Variants in ACO1 observed in about 807,000 individuals in gnomAD.
ACO1 encodes cytoplasmic aconitate hydratase.
A neutral mutation model predicts 105.1 loss-of-function variants in ACO1; 78 were observed. The ratio of observed to expected loss-of-function variants is 0.74; its 90% CI spans 0.62 to 0.90. The LOEUF (loss-of-function observed/expected upper bound fraction) is 0.90. ACO1 is among the 40% of genes least tolerant of loss of function. The pLI is 0.00. For synonymous variants in ACO1, 364 were observed against 397.4 expected (o/e 0.92, Z 1.00); for missense variants, 965 against 1,111.1 (o/e 0.87, Z 1.87).
intron 4 of ACO1, among the ~76,000 whole-genome samples, chr9:32,412,767 T>G (rs1821767028): frequency 1.3e-5 from 2 of 152,228 alleles, no homozygotes; most frequent in Non-Finnish European, 2.9e-5. Flanking sequence ...GCGTAAAATG[T>G]TATCCTGTTT....
Position 32,431,718 on chromosome 9 carries a change from G to A in ACO1, c.1727-1G>A. ...CTCATTAATAAACATTTTTTCCCCA[G>A]GAGTAAATGCAAAGGGACAGCAGGT... is the stretch of plus-strand genomic sequence containing the variant. On this transcript the variant is annotated splice_acceptor_variant, in intron 14 of 20. Transcript: ENST00000309951. LOFTEE classifies it high-confidence loss of function. 1.2e-6 allele frequency: 2 copies of A among 1,613,502 alleles called. No homozygotes were observed.
chr9:32,430,661 A>C (rs1822207512), intron 14 of ACO1, 87 bp downstream of exon 14: 1 of 1,395,472 alleles, frequency 7.2e-7, no homozygotes, highest in African/African-American at 1.4e-5. Flanking sequence ...ATAAGAAATG[A>C]AGCATAGAGC....
At chr9:32,444,051 A>T (rs1822543944) in intron 19 of ACO1, among the ~76,000 whole-genome samples, 1 of 131,336 alleles carries the variant, frequency 7.6e-6, no homozygotes, top group African/African-American at 2.8e-5. Context: ...ACTCCCACTT[A>T]TGGGTGAGAA....
At chr9:32,438,477 C>A (rs572488513) in intron 18 of ACO1, among the ~76,000 whole-genome samples, 1 of 152,188 alleles carries the variant, frequency 6.6e-6, no homozygotes, top group South Asian at 2.1e-4. Flanking sequence ...CAAGTTGGAA[C>A]GGGACTGAGA....
At chr9:32,404,681 G>A (rs577800304) in intron 1 of ACO1, among the ~76,000 whole-genome samples, 65 of 152,234 alleles carry the variant, frequency 4.3e-4, no homozygotes, top group African/African-American at 1.6e-3. Flanking sequence ...CCTGAGCCCT[G>A]GAGGCATTTT....
At position 32,427,335 on chromosome 9, in the gene ACO1, G is replaced by T. The variant is rs200574999; in HGVS notation, c.1383G>T (p.Leu461=). Residue 461 remains leucine (L), a synonymous_variant, in exon 12 of 21, where the codon CTG becomes CTT. Coordinates refer to ENST00000309951, the MANE Select transcript of ACO1 (RefSeq NM_002197.3). The part of the protein sequence containing the change: ...LLAKKAVDAG[L]NVMPYIKTSL... ...CAAAGAAAGCTGTGGATGCTGGCCT[G>T]AACGTGATGCCTTACATCAAAACTA... The T allele has an allele frequency of 6.2e-7, 1 of 1,614,226 alleles. No homozygotes were observed. The highest frequency in any genetic ancestry group is 2.2e-5 in the East Asian group (1 of 44,886).
rs1241392759 is a variant in ACO1 at position 32,451,050 on chromosome 9, C to G, written c.*939C>G. 1 of 151,704 alleles carries G rather than the reference C, an allele frequency of 6.6e-6. No individual in the cohort carries two copies. Among genetic ancestry groups the G allele is most frequent in the Non-Finnish European group, 1.5e-5 (1 of 67,916 alleles). 9.4% of individuals were successfully genotyped at this position (151,704 alleles called of 1,614,324 possible). A position where few individuals can be genotyped will look rare whatever the true frequency, so the allele number is the denominator to read the frequency against. ...GGAGCAGACAAGAAGGAAGAGTAGC[C>G]TGGTGGCAGTGGCAACGATATAAGT... On this transcript the variant is annotated 3_prime_UTR_variant, in exon 21 of 21. Coordinates refer to ENST00000309951, the MANE Select transcript of ACO1 (RefSeq NM_002197.3).
chr9:32,430,476 A>T lies in ACO1; in HGVS notation c.1628A>T (p.His543Leu), dbSNP rs948403672. The change falls in exon 14 of 21, where the codon CAC becomes CTC. Residue 543 changes from histidine (H) to leucine (L), a missense_variant. Coordinates refer to ENST00000309951, the MANE Select transcript of ACO1 (RefSeq NM_002197.3). ...SGNRNFEGRVHPNTRANYLAS... is the reference protein window; with the variant it reads ...SGNRNFEGRVLPNTRANYLAS... ...AACAGGAATTTTGAAGGTCGAGTTC[A>T]CCCCAACACCCGGGCCAACTATTTA... The T allele has an allele frequency of 3.7e-6, 6 of 1,611,550 alleles. No homozygotes were observed. Among genetic ancestry groups the T allele is most frequent in the Non-Finnish European group, 4.2e-6 (5 of 1,179,146 alleles).
intron 1 of ACO1, among the ~76,000 whole-genome samples, chr9:32,386,072 C>T (rs780823471): frequency 7.2e-5 from 11 of 152,202 alleles, no homozygotes; most frequent in Non-Finnish European, 1.3e-4. Context: ...TTCGCACATG[C>T]CTTTGGTTGT....
Position 32,450,301 on chromosome 9 carries a change from AATC to A in ACO1, c.*194_*196del, listed in dbSNP as rs59759405. On this transcript the variant is annotated 3_prime_UTR_variant, in exon 21 of 21. Transcript: ENST00000309951. ...AGTTTCTACATTCTCTATTTTTGTT[AATC>A]ATCTTCTCTTTTTCCAGAATTTGGA... is the stretch of plus-strand genomic sequence containing the variant. 5,813 of 684,086 alleles carry A rather than the reference AATC, an allele frequency of 8.5e-3. 138 individuals are homozygous for A. The highest frequency in any genetic ancestry group is 0.067 in the African/African-American group (3,789 of 56,330). 42.4% of individuals were successfully genotyped at this position (684,086 alleles called of 1,614,324 possible). A position where few individuals can be genotyped will look rare whatever the true frequency, so the allele number is the denominator to read the frequency against.
rs146133028 is a variant in ACO1, at chr9:32,427,277, G to A, written c.1349-24G>A. The stretch of plus-strand genomic sequence containing the variant: ...CCTAGAGCAGGCAGCCTCCCACACT[G>A]CATCTGTGTTTACCATTTCACAGGA... On this transcript the variant is annotated intron_variant, in intron 11 of 20. Transcript: ENST00000309951. The A allele has an allele frequency of 4.0e-4, 649 of 1,613,710 alleles. 7 individuals carry two copies. In the East Asian group the frequency reaches 0.013, roughly 31 times the overall value.
chr9:32,419,693 TAG>T (rs763874527), intron 7 of ACO1, among the ~76,000 whole-genome samples: 7 of 152,252 alleles, frequency 4.6e-5, no homozygotes, highest in Non-Finnish European at 5.9e-5. Context: ...GTTCCATGAA[TAG>T]AGTTTTACTT....
intron 14 of ACO1, among the ~76,000 whole-genome samples, chr9:32,431,498 T>C (rs1822234337): frequency 1.3e-5 from 2 of 152,172 alleles, no homozygotes; most frequent in Admixed American, 6.5e-5. Context: ...AGGTGAATAA[T>C]AAACCTCACA....
At chr9:32,403,876 G>T (rs149758450) in intron 1 of ACO1, among the ~76,000 whole-genome samples, 1 of 151,048 alleles carries the variant, frequency 6.6e-6, no homozygotes, top group African/African-American at 2.5e-5. Context: ...CAGTTTTATT[G>T]TTGCAGTTGC....
chr9:32,410,097 G>T lies in ACO1; in HGVS notation c.404+1446G>T, dbSNP rs1235344558. Among the ~76,000 whole-genome samples, 3 of 152,244 alleles carry T rather than the reference G, an allele frequency of 2.0e-5. No individual in the cohort carries two copies. The East Asian group carries it at 5.8e-4, about 29-fold the overall frequency. ...TATCCCTAAATCTCACTCTCTAAAA[G>T]CCTTTGGTTTACGTTGGAAGTATTG... On this transcript the variant is annotated intron_variant, in intron 4 of 20. Transcript: ENST00000309951.
intron 1 of ACO1, among the ~76,000 whole-genome samples, chr9:32,396,629 A>G (rs1164909272): frequency 6.6e-6 from 1 of 152,130 alleles, no homozygotes; most frequent in Non-Finnish European, 1.5e-5. Context: ...GACACTCCCC[A>G]CAGCCCCTGT....
intron 12 of ACO1, 76 bp downstream of exon 12, chr9:32,427,512 A>G: frequency 6.4e-7 from 1 of 1,572,484 alleles, no homozygotes; most frequent in East Asian, 2.2e-5. Flanking sequence ...GTCACCTTGT[A>G]ACAGATGTGA....
chr9:32,422,034 TCTC>T (rs1821986764), intron 8 of ACO1, among the ~76,000 whole-genome samples: 1 of 152,220 alleles, frequency 6.6e-6, no homozygotes, highest in African/African-American at 2.4e-5. Context: ...ACATCTTTGT[TCTC>T]CCAAAGGATT....
chr9:32,389,293 C>A (rs1258983363), intron 1 of ACO1, among the ~76,000 whole-genome samples: 2 of 152,226 alleles, frequency 1.3e-5, no homozygotes, highest in Non-Finnish European at 2.9e-5. Context: ...CTAGGTGATA[C>A]AGCACACTTG....
Sources: gnomAD v4.1 joint callset for allele counts (sites outside exome capture counted in the v4.1 genomes callset) on GRCh38, gnomAD v4.1.1 for gene constraint, MANE v1.5 for transcripts, NCBI Gene and HGNC (gene_info 2026-07-23, HGNC 2026-07-21) for gene names.